Variants in RPS6KC1 observed in about 807,000 individuals in gnomAD.
The protein encoded by RPS6KC1 is ribosomal protein S6 kinase C1.
In RPS6KC1, 54 loss-of-function variants were observed where a neutral mutation model predicts 103.8. The observed-to-expected ratio is 0.52, with a 90% CI of 0.42 to 0.65. The LOEUF is 0.65. Among genes scored for constraint, RPS6KC1 ranks in the 30% least tolerant of loss-of-function variants. The pLI is 0.00. For synonymous variants in RPS6KC1, 439 were observed against 438.7 expected (o/e 1.00, Z -0.01); for missense variants, 1,151 against 1,253.8 (o/e 0.92, Z 1.24).
the RPS6KC1 span, among the ~76,000 whole-genome samples, chr1:213,593,923 TG>T: frequency 6.6e-6 from 1 of 152,146 alleles, no homozygotes; most frequent in Non-Finnish European, 1.5e-5. Context: ...TGGAGTGCAG[TG>T]GTGAGATCTT....
the RPS6KC1 span, among the ~76,000 whole-genome samples, chr1:213,558,894 C>A: frequency 3.0e-4 from 46 of 152,284 alleles, no homozygotes; most frequent in African/African-American, 1.1e-3. Context: ...GTCCATAAAT[C>A]TTTTTAGACA....
At chr1:213,615,179 A>G in the RPS6KC1 span, among the ~76,000 whole-genome samples, 1 of 152,192 alleles carries the variant, frequency 6.6e-6, no homozygotes, top group Non-Finnish European at 1.5e-5. Context: ...CAGCCACACA[A>G]TTTGAGAAAC....
At chr1:213,422,883 T>A in the RPS6KC1 span, among the ~76,000 whole-genome samples, 1 of 152,210 alleles carries the variant, frequency 6.6e-6, no homozygotes. Flanking sequence ...GAAGTACCAA[T>A]AGGTTGATGC....
chr1:213,203,675 A>T (rs1244968079), intron 8 of RPS6KC1, among the ~76,000 whole-genome samples: 1 of 152,166 alleles, frequency 6.6e-6, no homozygotes, highest in East Asian at 1.9e-4. Context: ...ATTATAGAAA[A>T]ATCAAACAAT....
rs1395875022 is a variant in RPS6KC1, at chr1:213,116,578, A to G, written c.379-739A>G. Among the ~76,000 whole-genome samples, 4 of 148,528 alleles carry G rather than the reference A, an allele frequency of 2.7e-5. 1 individual carries two copies. The highest frequency in any genetic ancestry group is 1.0e-4 in the African/African-American group (4 of 40,022). ...TTTAAAGTTAATATTGTTATGTGTGAATTTGATCCTGTCATTATGATGTTA... is the reference window on the plus strand; with the variant it reads ...TTTAAAGTTAATATTGTTATGTGTGGATTTGATCCTGTCATTATGATGTTA... On this transcript the variant is annotated intron_variant, in intron 4 of 14. Coordinates refer to ENST00000366960, the MANE Select transcript of RPS6KC1 (RefSeq NM_012424.6).
At chr1:213,593,128 A>G in the RPS6KC1 span, among the ~76,000 whole-genome samples, 3 of 152,142 alleles carry the variant, frequency 2.0e-5, no homozygotes, top group African/African-American at 4.8e-5. Flanking sequence ...ACAGCAGAAG[A>G]AAGACTGGTG....
the RPS6KC1 span, among the ~76,000 whole-genome samples, chr1:213,409,101 T>A: frequency 1.3e-5 from 2 of 151,770 alleles, no homozygotes; most frequent in South Asian, 4.2e-4. Flanking sequence ...CACGTTGGAG[T>A]GGATTCACTG....
At chr1:213,405,804 G>T in the RPS6KC1 span, among the ~76,000 whole-genome samples, 5 of 152,188 alleles carry the variant, frequency 3.3e-5, no homozygotes, top group Non-Finnish European at 7.3e-5. Flanking sequence ...CGTGTATCCA[G>T]ACAGAATGAC....
At chr1:213,550,056 A>T in the RPS6KC1 span, among the ~76,000 whole-genome samples, 1 of 152,148 alleles carries the variant, frequency 6.6e-6, no homozygotes, top group Non-Finnish European at 1.5e-5. Context: ...TTCCATTGAA[A>T]TAATCATAAT....
chr1:213,455,700 G>A, the RPS6KC1 span, among the ~76,000 whole-genome samples: 6 of 152,310 alleles, frequency 3.9e-5, no homozygotes, highest in South Asian at 1.2e-3. Context: ...ATTAATACCA[G>A]TTTTAAAGGA....
chr1:213,400,012 G>C, the RPS6KC1 span, among the ~76,000 whole-genome samples: 1 of 152,186 alleles, frequency 6.6e-6, no homozygotes, highest in African/African-American at 2.4e-5. Flanking sequence ...GAGGAGGGCT[G>C]GGCGCCGAAT....
At chr1:213,137,453 C>T (rs904870733) in intron 6 of RPS6KC1, among the ~76,000 whole-genome samples, 1 of 151,922 alleles carries the variant, frequency 6.6e-6, no homozygotes, top group African/African-American at 2.4e-5. Context: ...CCTGCCTCAA[C>T]CTCCCGAGTA....
the RPS6KC1 span, among the ~76,000 whole-genome samples, chr1:213,437,874 A>G: frequency 6.6e-6 from 1 of 152,012 alleles, no homozygotes; most frequent in African/African-American, 2.4e-5. Context: ...TCCTCTAAAC[A>G]CTGCTTTAGT....
At chr1:213,628,551 T>C in the RPS6KC1 span, among the ~76,000 whole-genome samples, 1 of 152,174 alleles carries the variant, frequency 6.6e-6, no homozygotes, top group African/African-American at 2.4e-5. Flanking sequence ...TATGTATACA[T>C]GTGCCATGTT....
chr1:213,175,101 G>T (rs1021448412), intron 7 of RPS6KC1, among the ~76,000 whole-genome samples: 19 of 152,226 alleles, frequency 1.2e-4, no homozygotes, highest in Admixed American at 9.8e-4. Flanking sequence ...TTCACAAATG[G>T]TAGTTTTCCC....
At chr1:213,182,904 A>T (rs1380679969) in intron 8 of RPS6KC1, among the ~76,000 whole-genome samples, 1 of 147,604 alleles carries the variant, frequency 6.8e-6, no homozygotes, top group South Asian at 2.1e-4. Flanking sequence ...CGTATATATC[A>T]TATATATATC....
the RPS6KC1 span, among the ~76,000 whole-genome samples, chr1:213,314,735 C>G: frequency 6.6e-6 from 1 of 150,624 alleles, no homozygotes; most frequent in South Asian, 2.1e-4. Context: ...CCATTAAATG[C>G]TGTTATGAAT....
chr1:213,468,757 A>G, the RPS6KC1 span, among the ~76,000 whole-genome samples: 1 of 152,206 alleles, frequency 6.6e-6, no homozygotes, highest in Non-Finnish European at 1.5e-5. Context: ...GCAAACAAAC[A>G]TCTGATGCCC....
chr1:213,587,253 C>A, the RPS6KC1 span, among the ~76,000 whole-genome samples: 1 of 151,510 alleles, frequency 6.6e-6, no homozygotes, highest in African/African-American at 2.4e-5. Flanking sequence ...GGGCCAGAGA[C>A]CCAAAGGGAA....
Sources: gnomAD v4.1 joint callset for allele counts (sites outside exome capture counted in the v4.1 genomes callset) on GRCh38, gnomAD v4.1.1 for gene constraint, MANE v1.5 for transcripts, NCBI Gene and HGNC (gene_info 2026-07-23, HGNC 2026-07-21) for gene names.